ITGA11: variants seen among roughly 807,000 people sequenced by gnomAD.
The protein encoded by ITGA11 is integrin alpha-11.
Under a neutral mutation model 141.9 loss-of-function variants are expected in ITGA11, and 97 were observed. The ratio of observed to expected loss-of-function variants is 0.68; its 90% CI spans 0.58 to 0.81. The LOEUF (loss-of-function observed/expected upper bound fraction) is 0.81. Ranked by LOEUF, ITGA11 falls within the 30% of genes least tolerant of loss-of-function variation. The pLI, the probability that ITGA11 is intolerant of heterozygous loss-of-function variation, is 0.00. For synonymous variants in ITGA11, 658 were observed against 624.6 expected, an observed-to-expected ratio of 1.05 and a Z score of -0.80; for missense variants, 1,387 against 1,559.2, an observed-to-expected ratio of 0.89 and a Z score of 1.86.
rs200822139 is a variant in ITGA11 at position 68,311,080 on chromosome 15, C to T, written c.3088G>A (p.Ala1030Thr). ...CCCCAGATGTTACAGGACGTGTTCGCCTACATAAAGGACATGGACACACAC... is the reference window on the plus strand; with the variant it reads ...CCCCAGATGTTACAGGACGTGTTCGTCTACATAAAGGACATGGACACACAC... Reference protein sequence around the residue: ...LKLRDFLTDEANTSCNIWGNS... With the variant: ...LKLRDFLTDETNTSCNIWGNS... The change falls in exon 26 of 30, where the codon GCG becomes ACG. Residue 1030 changes from alanine to threonine, a missense_variant and splice_region_variant. By Grantham distance (58) the Ala-to-Thr change is moderately conservative. Transcript: ENST00000315757. 3.2e-4 allele frequency: 511 copies of T among 1,605,566 alleles called. 5 individuals carry two copies. In the South Asian group the frequency reaches 3.8e-3, roughly 12 times the overall value.
intron 1 of ITGA11, among the ~76,000 whole-genome samples, chr15:68,418,897 A>G (rs970011658): frequency 8.6e-5 from 13 of 151,922 alleles, no homozygotes; most frequent in Admixed American, 4.6e-4. Flanking sequence ...TTTGGGCAAA[A>G]TAAGAGCAAG....
At chr15:68,378,497 T>G (rs1895781785) in intron 2 of ITGA11, among the ~76,000 whole-genome samples, 1 of 151,946 alleles carries the variant, frequency 6.6e-6, no homozygotes, top group Non-Finnish European at 1.5e-5. Context: ...TAAAAAATTA[T>G]CCAGGTATGG....
rs772281289 is a variant in ITGA11 at position 68,364,816 on chromosome 15, G to A, written c.266-18C>T. 1.2e-6 allele frequency: 2 copies of A among 1,610,552 alleles called. No individual in the cohort carries two copies. Among genetic ancestry groups the A allele is most frequent in the Admixed American group, 3.3e-5 (2 of 59,990 alleles). ...GACCCTTCCTGGGGTTGGGGGAGAAGTTCAGCTTGCAGCCCCCTCCTGCCC... is the reference window on the plus strand; with the variant it reads ...GACCCTTCCTGGGGTTGGGGGAGAAATTCAGCTTGCAGCCCCCTCCTGCCC... On this transcript the variant is annotated intron_variant, in intron 3 of 29. Coordinates refer to ENST00000315757, the MANE Select transcript of ITGA11 (RefSeq NM_001004439.2).
intron 11 of ITGA11, among the ~76,000 whole-genome samples, chr15:68,338,871 G>A (rs950289514): frequency 1.3e-5 from 2 of 152,144 alleles, no homozygotes; most frequent in South Asian, 2.1e-4. Flanking sequence ...CCCCCTTGCC[G>A]CCCTCCCCTC....
chr15:68,400,052 TG>T (rs1408010900), intron 2 of ITGA11, among the ~76,000 whole-genome samples: 2 of 152,198 alleles, frequency 1.3e-5, no homozygotes, highest in Non-Finnish European at 2.9e-5. Context: ...AGCAGCTTTT[TG>T]TTTGCTCAAG....
At chr15:68,348,738 AGGT>A (rs1894814145) in intron 10 of ITGA11, 89 bp downstream of exon 10, 1 of 1,098,916 alleles carries the variant, frequency 9.1e-7, no homozygotes, top group Admixed American at 2.0e-5. Context: ...CCATCTGTGA[AGGT>A]GGATGACAGA....
intron 1 of ITGA11, among the ~76,000 whole-genome samples, chr15:68,422,813 A>C (rs781158682): frequency 6.6e-6 from 1 of 152,032 alleles, no homozygotes; most frequent in Admixed American, 6.6e-5. Flanking sequence ...TTTACAAATA[A>C]TCTCTCTCCC....
chr15:68,380,775 C>A (rs942195255), intron 2 of ITGA11, among the ~76,000 whole-genome samples: 1 of 152,196 alleles, frequency 6.6e-6, no homozygotes, highest in African/African-American at 2.4e-5. Context: ...GAGGGACAGA[C>A]AATTCCCTGC....
intron 8 of ITGA11, 82 bp from the exon 9 acceptor site, chr15:68,350,864 A>AC: frequency 7.0e-7 from 1 of 1,426,160 alleles, no homozygotes; most frequent in Non-Finnish European, 9.5e-7. Flanking sequence ...GACCCTGGGG[A>AC]CCCCAGGGTG....
rs1892976489 is a variant in ITGA11, at chr15:68,299,413, G to C, written c.*3646C>G. Reference sequence around the variant, plus strand: ...TGTTAATATTAACATAAAGATAGTAGGGGAGTTTTTTTTTTTTTTAAATTA... The same window carrying C: ...TGTTAATATTAACATAAAGATAGTACGGGAGTTTTTTTTTTTTTTAAATTA... On this transcript the variant is annotated 3_prime_UTR_variant, in exon 30 of 30. Coordinates refer to ENST00000315757, the MANE Select transcript of ITGA11 (RefSeq NM_001004439.2). 1 of 150,414 alleles carries C rather than the reference G, an allele frequency of 6.6e-6. No homozygotes were observed. Among genetic ancestry groups the C allele is most frequent in the Non-Finnish European group, 1.5e-5 (1 of 67,998 alleles). 9.3% of individuals were successfully genotyped at this position (150,414 alleles called of 1,614,324 possible). A position where few individuals can be genotyped will look rare whatever the true frequency, so the allele number is the denominator to read the frequency against.
chr15:68,376,554 G>A (rs941033287), intron 2 of ITGA11, among the ~76,000 whole-genome samples: 1 of 152,222 alleles, frequency 6.6e-6, no homozygotes, highest in South Asian at 2.1e-4. Context: ...TGCAGTTTTT[G>A]TATGAGCTGG....
chr15:68,310,809 G>C (rs1378313528), intron 26 of ITGA11, among the ~76,000 whole-genome samples, 185 bp downstream of exon 26: 1 of 152,228 alleles, frequency 6.6e-6, no homozygotes, highest in African/African-American at 2.4e-5. Flanking sequence ...TGAGACGGGG[G>C]ACTCACACAG....
In ITGA11 at chr15:68,300,823, G is replaced by C. The variant is rs1342331519; in HGVS notation, c.*2236C>G. 1 of 152,174 alleles carries C rather than the reference G, an allele frequency of 6.6e-6. No individual in the cohort carries two copies. Among genetic ancestry groups the C allele is most frequent in the Non-Finnish European group, 1.5e-5 (1 of 68,046 alleles). The allele number at this position is 152,174 out of a possible 1,614,324, so 9.4% of individuals were successfully genotyped here. ...TGCATCTGACCAGCAGGTACATTCT[G>C]TTTGGCCTGCAGTGTGGTCACAGGT... On this transcript the variant is annotated 3_prime_UTR_variant, in exon 30 of 30. Transcript: ENST00000315757.
At chr15:68,399,806 G>A (rs921575997) in intron 2 of ITGA11, among the ~76,000 whole-genome samples, 137 of 152,116 alleles carry the variant, frequency 9.0e-4, no homozygotes, top group African/African-American at 3.0e-3. Flanking sequence ...CTAGAGTGGG[G>A]AGGGAGGGAA....
chr15:68,391,200 G>C (rs1426214614), intron 2 of ITGA11, among the ~76,000 whole-genome samples: 1 of 152,164 alleles, frequency 6.6e-6, no homozygotes, highest in African/African-American at 2.4e-5. Context: ...AGGGGGCTCA[G>C]CTCTCGGGGT....
intron 24 of ITGA11, among the ~76,000 whole-genome samples, chr15:68,312,296 A>G (rs929109894): frequency 6.6e-5 from 10 of 152,090 alleles, no homozygotes; most frequent in African/African-American, 2.4e-4. Context: ...CTTAATAAGG[A>G]GGGAGCATGC....
At position 68,321,604 on chromosome 15, in the gene ITGA11, G is replaced by A; in HGVS notation, c.2323-101C>T. On this transcript the variant is annotated intron_variant, in intron 18 of 29. Coordinates refer to ENST00000315757, the MANE Select transcript of ITGA11 (RefSeq NM_001004439.2). The surrounding 1 kb of genome is among the most constrained non-coding windows in gnomAD (Gnocchi z 4.9). ...GTCTCCACCACACTAGACATGGGCT[G>A]GCTTTCCTGCACTGTCCCCAGACAC... 1.6e-6 allele frequency: 1 copy of A among 637,212 alleles called. No homozygotes were observed. The allele number at this position is 637,212 out of a possible 1,614,324, so 39.5% of individuals were successfully genotyped here.
intron 11 of ITGA11, chr15:68,336,097 A>G: frequency 1.8e-6 from 1 of 556,244 alleles, no homozygotes; most frequent in East Asian, 3.0e-5. Context: ...TGGAGAAAAT[A>G]AAGGAAGCCA....
intron 1 of ITGA11, among the ~76,000 whole-genome samples, chr15:68,421,359 GCA>G (rs1255303551): frequency 6.6e-6 from 1 of 152,338 alleles, no homozygotes; most frequent in East Asian, 1.9e-4. Context: ...AGTGGGGAAG[GCA>G]CAGAGGAGGA....
Sources: allele counts gnomAD v4.1 joint callset (sites outside exome capture counted in the v4.1 genomes callset), GRCh38; gene constraint gnomAD v4.1.1; non-coding constraint Gnocchi (gnomAD v3.1); transcripts MANE v1.5; gene names NCBI Gene and HGNC (gene_info 2026-07-23, HGNC 2026-07-21).